CEP57: variants seen among roughly 807,000 people sequenced by gnomAD.
The protein encoded by CEP57 is centrosomal protein of 57 kDa.
CEP57 carries 40 observed loss-of-function variants against 68.0 expected under a neutral mutation model. The ratio of observed to expected loss-of-function variants is 0.59; its 90% confidence interval spans 0.46 to 0.77. CEP57 has a LOEUF of 0.77. Ranked by LOEUF, CEP57 falls within the 30% of genes least tolerant of loss-of-function variation. The probability of loss-of-function intolerance (pLI) is 0.00; values close to 1 mark genes in which losing one functional copy is unlikely to be tolerated. For missense variants in CEP57, 606 were observed against 580.7 expected (o/e 1.04, Z -0.45); for synonymous variants, 219 against 198.7 (o/e 1.10, Z -0.86).
intron 7 of CEP57, 92 bp downstream of exon 7, chr11:95,822,070 TGAGA>T (rs964634775): frequency 1.2e-6 from 1 of 836,654 alleles, no homozygotes; most frequent in African/African-American, 1.7e-5. Context: ...ACTACAACCT[TGAGA>T]GAGTAAATCT....
At chr11:95,805,431 T>C (rs987875466) in intron 2 of CEP57, among the ~76,000 whole-genome samples, 6 of 152,156 alleles carry the variant, frequency 3.9e-5, no homozygotes, top group African/African-American at 1.2e-4. Context: ...TGTAGTCTCA[T>C]TGCATACCAG....
Position 95,790,525 on chromosome 11 carries a change from G to C in CEP57, c.-174G>C. On this transcript the variant is annotated 5_prime_UTR_variant, in exon 1 of 11. Coordinates refer to ENST00000325542, the MANE Select transcript of CEP57 (RefSeq NM_014679.5). Reference sequence around the variant, plus strand: ...TTCTGTGTAAGCTGTGAGCGTAGGCGGCCCTGAGGGGGTGTGTTGCAGGGG... The same window carrying C: ...TTCTGTGTAAGCTGTGAGCGTAGGCCGCCCTGAGGGGGTGTGTTGCAGGGG... The C allele has an allele frequency of 1.5e-6, 1 of 664,942 alleles. No homozygotes were observed. Among genetic ancestry groups the C allele is most frequent in the Non-Finnish European group, 2.6e-6 (1 of 383,960 alleles). The allele number at this position is 664,942 out of a possible 1,614,324, so 41.2% of individuals were successfully genotyped here.
chr11:95,819,209 G>A (rs1435636427), intron 6 of CEP57, among the ~76,000 whole-genome samples: 1 of 152,116 alleles, frequency 6.6e-6, no homozygotes, highest in African/African-American at 2.4e-5. Flanking sequence ...ACTTCTTACG[G>A]CCATTATCAG....
rs1159881653 is a variant in CEP57, at chr11:95,831,877, T to C, written c.*621T>C. 1 of 152,148 alleles carries C rather than the reference T, an allele frequency of 6.6e-6. No individual in the cohort carries two copies. The highest frequency in any genetic ancestry group is 2.1e-4 in the South Asian group (1 of 4,836). The allele number at this position is 152,148 out of a possible 1,614,324, so 9.4% of individuals were successfully genotyped here. On this transcript the variant is annotated 3_prime_UTR_variant, in exon 11 of 11. Transcript: ENST00000325542. ...TTTTTTAAAGACCCAAGCAGTCATT[T>C]TGAGTTATATCTATAAAAATTATAA...
intron 9 of CEP57, among the ~76,000 whole-genome samples, chr11:95,828,471 GTA>G (rs1862852314): frequency 7.3e-6 from 1 of 137,042 alleles, no homozygotes; most frequent in African/African-American, 2.5e-5. Flanking sequence ...AAGTATTTGT[GTA>G]TATAAACATC....
At position 95,831,268 on chromosome 11, in the gene CEP57, G is replaced by C; in HGVS notation, c.*12G>C. 4 of 1,579,470 alleles carry C rather than the reference G, an allele frequency of 2.5e-6. No homozygotes were observed. Among genetic ancestry groups the C allele is most frequent in the Non-Finnish European group, 3.5e-6 (4 of 1,149,532 alleles). On this transcript the variant is annotated 3_prime_UTR_variant, in exon 11 of 11. Coordinates refer to ENST00000325542, the MANE Select transcript of CEP57 (RefSeq NM_014679.5). ...GTTGGGATTACTGACTCATAACCAG[G>C]TCAGAAATTTTATTCAGATAATCTG...
Position 95,790,661 on chromosome 11 carries a change from G to A in CEP57, c.-38G>A, listed in dbSNP as rs1555042813. On this transcript the variant is annotated 5_prime_UTR_variant, in exon 1 of 11. Coordinates refer to ENST00000325542, the MANE Select transcript of CEP57 (RefSeq NM_014679.5). The stretch of plus-strand genomic sequence containing the variant: ...GGAGAAGAGCACGAGAACCTAGACC[G>A]CCCCCGAAGTGCGGAGACCCCCTGG... 3.1e-6 allele frequency: 5 copies of A among 1,609,826 alleles called. No individual in the cohort carries two copies. Among genetic ancestry groups the A allele is most frequent in the South Asian group, 2.2e-5 (2 of 90,220 alleles).
At chr11:95,805,215 A>T (rs1279319003) in intron 2 of CEP57, among the ~76,000 whole-genome samples, 1 of 152,244 alleles carries the variant, frequency 6.6e-6, no homozygotes, top group African/African-American at 2.4e-5. Flanking sequence ...AGAGGTTAAG[A>T]AAACTCAATG....
At position 95,799,779 on chromosome 11, in the gene CEP57, G is replaced by A. The variant is rs1861495941; in HGVS notation, c.202+391G>A. ...TAGTACATTCCTCATTAATCTCCCT[G>A]CCTGTTTTCTCCTCCTCATCCCCAG... On this transcript the variant is annotated intron_variant, in intron 2 of 10. Transcript: ENST00000325542. Among the ~76,000 whole-genome samples the A allele has an allele frequency of 1.3e-5, 2 of 152,006 alleles. 1 individual carries two copies. Among genetic ancestry groups the A allele is most frequent in the Non-Finnish European group, 2.9e-5 (2 of 68,012 alleles).
intron 5 of CEP57, among the ~76,000 whole-genome samples, chr11:95,818,623 C>T (rs1229328234): frequency 6.6e-6 from 1 of 152,018 alleles, no homozygotes; most frequent in Non-Finnish European, 1.5e-5. Context: ...ATAATTTTGT[C>T]CAGCTACCTC....
At chr11:95,807,725 G>T (rs979911284) in intron 2 of CEP57, among the ~76,000 whole-genome samples, 1 of 152,230 alleles carries the variant, frequency 6.6e-6, no homozygotes, top group Non-Finnish European at 1.5e-5. Flanking sequence ...TATGAGAAAA[G>T]ACCAAGTCTG....
Position 95,818,914 on chromosome 11 carries a change from A to G in CEP57, c.699+10A>G. The G allele has an allele frequency of 6.2e-7, 1 of 1,608,148 alleles. No homozygotes were observed. The highest frequency in any genetic ancestry group is 8.5e-7 in the Non-Finnish European group (1 of 1,174,782). ...AGCTAAGGCAGCTGAGGTAAGTTAAAATGTGAGAAAGTGGGCTCTTCATAT... is the reference window on the plus strand; with the variant it reads ...AGCTAAGGCAGCTGAGGTAAGTTAAGATGTGAGAAAGTGGGCTCTTCATAT... On this transcript the variant is annotated intron_variant, in intron 6 of 10. Coordinates refer to ENST00000325542, the MANE Select transcript of CEP57 (RefSeq NM_014679.5).
Position 95,832,324 on chromosome 11 carries a change from T to C in CEP57, c.*1068T>C, listed in dbSNP as rs1863039124. ...AAATAGGAGGACATCAATGTATTGA[T>C]GAAGAGAAAAAACTAGTACTTAGTT... On this transcript the variant is annotated 3_prime_UTR_variant, in exon 11 of 11. Transcript: ENST00000325542. 1 of 152,174 alleles carries C rather than the reference T, an allele frequency of 6.6e-6. No individual in the cohort carries two copies. Among genetic ancestry groups the C allele is most frequent in the African/African-American group, 2.4e-5 (1 of 41,452 alleles). The allele number at this position is 152,174 out of a possible 1,614,324, so 9.4% of individuals were successfully genotyped here.
rs761465719 is a variant in CEP57 at position 95,797,350 on chromosome 11, TAGAGAC to T, written c.46-1877_46-1872del. 1.3e-3 allele frequency among the ~76,000 whole-genome samples: 197 copies of T among 152,206 alleles called. 3 individuals carry two copies. Among genetic ancestry groups the T allele is most frequent in the Admixed American group, 8.6e-3 (131 of 15,290 alleles). On this transcript the variant is annotated intron_variant, in intron 1 of 10. Transcript: ENST00000325542. ...TTGACTAATTTCTTTGTATTTTAGTTAGAGACAGAGTTTCACCATGTTGGCCAGGCT... is the reference window on the plus strand; with the variant it reads ...TTGACTAATTTCTTTGTATTTTAGTTAGAGTTTCACCATGTTGGCCAGGCT...
chr11:95,799,417 T>G, intron 2 of CEP57, 29 bp downstream of exon 2: 1 of 1,613,028 alleles, frequency 6.2e-7, no homozygotes, highest in South Asian at 1.1e-5. Flanking sequence ...ATAAATGTTA[T>G]TTGTGTTTTC....
At chr11:95,797,652 G>T (rs1333913266) in intron 1 of CEP57, among the ~76,000 whole-genome samples, 1 of 152,092 alleles carries the variant, frequency 6.6e-6, no homozygotes, top group African/African-American at 2.4e-5. Context: ...AAGGACAAAA[G>T]ACTAAATATA....
At chr11:95,790,399 C>A (rs1040122862), upstream of CEP57, 16 of 514,624 alleles carry the variant, frequency 3.1e-5, no homozygotes, top group Non-Finnish European at 5.3e-5. Context: ...TACGCGCTAC[C>A]TTGTGACGTC....
chr11:95,800,127 C>G (rs892289474), intron 2 of CEP57, among the ~76,000 whole-genome samples: 2 of 152,120 alleles, frequency 1.3e-5, no homozygotes, highest in Non-Finnish European at 2.9e-5. Context: ...TATCTGGGTC[C>G]TCTGTTTAGA....
intron 2 of CEP57, among the ~76,000 whole-genome samples, chr11:95,806,435 C>T (rs766395226): frequency 3.9e-5 from 6 of 152,150 alleles, no homozygotes; most frequent in African/African-American, 4.8e-5. Context: ...TTGTCTCACC[C>T]GGGAAGCGCA....
Sources: allele counts gnomAD v4.1 joint callset (sites outside exome capture counted in the v4.1 genomes callset), GRCh38; gene constraint gnomAD v4.1.1; transcripts MANE v1.5; gene names NCBI Gene and HGNC (gene_info 2026-07-23, HGNC 2026-07-21).